Variants in SV2C observed in about 807,000 individuals in gnomAD.
SV2C encodes the protein solute carrier family 22 member B3.
SV2C carries 49 observed loss-of-function variants against 79.7 expected under a neutral mutation model. The observed-to-expected ratio is 0.61, with a 90% CI of 0.49 to 0.78. The LOEUF is 0.78. Among genes scored for constraint, SV2C ranks in the 30% least tolerant of loss-of-function variants. SV2C has a pLI of 0.00. For missense variants in SV2C, 833 were observed against 912.9 expected, an observed-to-expected ratio of 0.91 and a Z score of 1.13; for synonymous variants, 334 against 333.2, an observed-to-expected ratio of 1.00 and a Z score of -0.03.
intron 1 of SV2C, among the ~76,000 whole-genome samples, chr5:76,130,962 A>G (rs899927470): frequency 2.6e-5 from 4 of 152,226 alleles, no homozygotes; most frequent in African/African-American, 4.8e-5. Flanking sequence ...CAAACAAGCC[A>G]TATGTTCTAA....
chr5:76,229,068 C>T (rs1031878560), intron 4 of SV2C, among the ~76,000 whole-genome samples: 1 of 152,210 alleles, frequency 6.6e-6, no homozygotes, highest in African/African-American at 2.4e-5. Flanking sequence ...GCCCACAAAA[C>T]GTGTCCTCCA....
At chr5:76,007,590 C>T in the SV2C span, among the ~76,000 whole-genome samples, 3 of 152,036 alleles carry the variant, frequency 2.0e-5, no homozygotes, top group South Asian at 2.1e-4. Flanking sequence ...TACAGTACTT[C>T]GTCAGGGTAA....
At chr5:76,048,985 AAGAAAG>A in the SV2C span, among the ~76,000 whole-genome samples, 1 of 91,262 alleles carries the variant, frequency 1.1e-5, no homozygotes, top group Non-Finnish European at 2.4e-5. Context: ...GAAAGAAAGA[AAGAAAG>A]AAAGAAAGAA....
At chr5:76,272,841 A>G (rs1014324243) in intron 4 of SV2C, among the ~76,000 whole-genome samples, 5 of 152,158 alleles carry the variant, frequency 3.3e-5, no homozygotes, top group African/African-American at 1.2e-4. Flanking sequence ...TGTTCATAAA[A>G]TCAGCATAAT....
chr5:75,935,439 C>T, the SV2C span, among the ~76,000 whole-genome samples: 148 of 152,138 alleles, frequency 9.7e-4, no homozygotes, highest in African/African-American at 3.4e-3. Context: ...AGGAGTCTAC[C>T]TTCCAGAAAT....
intron 4 of SV2C, among the ~76,000 whole-genome samples, chr5:76,236,563 A>AGC (rs138348963): frequency 6.6e-6 from 1 of 151,598 alleles, no homozygotes; most frequent in African/African-American, 2.4e-5. Context: ...CCCTGTATCA[A>AGC]AAAAATAAAA....
chr5:76,237,271 TG>T lies in SV2C; in HGVS notation c.913+27385del, dbSNP rs527968391. ...TATGATTACTTTCTCATACAACTTT[TG>T]TCTTTCCTGGAGTTAACAATTATAT... is the stretch of plus-strand genomic sequence containing the variant. On this transcript the variant is annotated intron_variant, in intron 4 of 12. Coordinates refer to ENST00000502798, the MANE Select transcript of SV2C (RefSeq NM_014979.4). Among the ~76,000 whole-genome samples, 332 of 152,344 alleles carry T rather than the reference TG, an allele frequency of 2.2e-3. 1 individual carries two copies. The highest frequency in any genetic ancestry group is 7.6e-3 in the African/African-American group (315 of 41,584).
rs2112187300 is a variant in SV2C, at chr5:76,132,013, T to C, written c.263T>C (p.Ile88Thr). Residue 88 changes from isoleucine to threonine, a missense_variant, in exon 2 of 13, where the codon ATC becomes ACC. Physicochemically the swap from Ile to Thr is moderately conservative, Grantham distance 89. Coordinates refer to ENST00000502798, the MANE Select transcript of SV2C (RefSeq NM_014979.4). ...ATEGHDEDDEIYEGEYQGIPS... is the reference protein window; with the variant it reads ...ATEGHDEDDETYEGEYQGIPS... ...GAGGGGCATGATGAAGATGATGAGA[T>C]CTATGAGGGGGAGTATCAGGGCATC... is the stretch of plus-strand genomic sequence containing the variant. 1 of 1,613,076 alleles carries C rather than the reference T, an allele frequency of 6.2e-7. No homozygotes were observed.
the SV2C span, among the ~76,000 whole-genome samples, chr5:75,882,825 C>G: frequency 6.6e-6 from 1 of 151,126 alleles, no homozygotes; most frequent in African/African-American, 2.4e-5. Flanking sequence ...GCAACAAAAG[C>G]CAAAATTGAC....
Position 76,194,909 on chromosome 5 carries a change from T to C in SV2C, c.581-10T>C. 1.2e-6 allele frequency: 2 copies of C among 1,611,854 alleles called. No homozygotes were observed. The highest frequency in any genetic ancestry group is 2.7e-5 in the African/African-American group (2 of 74,850). On this transcript the variant is annotated splice_polypyrimidine_tract_variant and intron_variant, in intron 2 of 12. Transcript: ENST00000502798. ...CTCTGATGTGTTTCTTTGTTTTCTG[T>C]GTGTTGCAGGCAGCATAGTGTACCT...
chr5:75,979,842 C>T, the SV2C span, among the ~76,000 whole-genome samples: 1 of 151,936 alleles, frequency 6.6e-6, no homozygotes, highest in South Asian at 2.1e-4. Flanking sequence ...GCAGATAAAT[C>T]CCAAAGCTAG....
At chr5:76,313,608 G>A (rs1172527691) in intron 12 of SV2C, among the ~76,000 whole-genome samples, 2 of 152,270 alleles carry the variant, frequency 1.3e-5, no homozygotes, top group South Asian at 2.1e-4. Flanking sequence ...TTGCATGAAA[G>A]GGCCATGTGC....
rs562727732 is a variant in SV2C, at chr5:76,350,858, A to T, written c.2001-2272A>T. Among the ~76,000 whole-genome samples the T allele has an allele frequency of 3.3e-5, 5 of 152,252 alleles. No homozygotes were observed. In the East Asian group the frequency reaches 9.7e-4, roughly 29 times the overall value. ...GTGAAACCCTGTCTCTACTAAAAATACAAAAATGAGCCAGGTGTGGTGGCA... is the reference window on the plus strand; with the variant it reads ...GTGAAACCCTGTCTCTACTAAAAATTCAAAAATGAGCCAGGTGTGGTGGCA... On this transcript the variant is annotated intron_variant, in intron 12 of 12. Transcript: ENST00000322285.
At chr5:76,153,924 C>A (rs1742642052) in intron 2 of SV2C, among the ~76,000 whole-genome samples, 1 of 152,182 alleles carries the variant, frequency 6.6e-6, no homozygotes, top group Non-Finnish European at 1.5e-5. Flanking sequence ...ATACTGTGAT[C>A]ATCACTTTTC....
the SV2C span, among the ~76,000 whole-genome samples, chr5:76,059,609 T>C: frequency 6.6e-6 from 1 of 152,098 alleles, no homozygotes; most frequent in Non-Finnish European, 1.5e-5. Context: ...TCTCTTACTA[T>C]TTCCACCACA....
At chr5:75,962,972 C>G in the SV2C span, among the ~76,000 whole-genome samples, 1 of 152,074 alleles carries the variant, frequency 6.6e-6, no homozygotes, top group African/African-American at 2.4e-5. Context: ...AAGTTAATAT[C>G]ATCACCTGCT....
At position 76,131,869 on chromosome 5, in the gene SV2C, A is replaced by C. The variant is rs766866638; in HGVS notation, c.119A>C (p.Glu40Ala). The C allele has an allele frequency of 1.2e-6, 2 of 1,614,018 alleles. No homozygotes were observed. The highest frequency in any genetic ancestry group is 2.2e-5 in the South Asian group (2 of 91,080). ...CAAGCTGTGGACCGAGCCCAGGATG[A>C]ATACACCCAGAGGTCCTACAGTCGG... Reference protein sequence around the residue: ...VNQAVDRAQDEYTQRSYSRFQ... With the variant: ...VNQAVDRAQDAYTQRSYSRFQ... The change falls in exon 2 of 13, where the codon GAA (glutamate) becomes GCA (alanine). Residue 40 changes from glutamate (E) to alanine (A), a missense_variant. Glu to Ala is a moderately radical substitution (Grantham distance 107). Coordinates refer to ENST00000502798, the MANE Select transcript of SV2C (RefSeq NM_014979.4).
At chr5:75,905,674 C>A in the SV2C span, among the ~76,000 whole-genome samples, 1 of 152,018 alleles carries the variant, frequency 6.6e-6, no homozygotes, top group East Asian at 1.9e-4. Flanking sequence ...TTCTCTAGCT[C>A]ACTCTATGGA....
chr5:76,188,427 G>A (rs1411143749), intron 2 of SV2C, among the ~76,000 whole-genome samples: 5 of 152,130 alleles, frequency 3.3e-5, no homozygotes, highest in Non-Finnish European at 4.4e-5. Flanking sequence ...AGTAACTCTA[G>A]GTCACACAGC....
Sources: allele counts gnomAD v4.1 joint callset (sites outside exome capture counted in the v4.1 genomes callset), GRCh38; gene constraint gnomAD v4.1.1; transcripts MANE v1.5; gene names NCBI Gene and HGNC (gene_info 2026-07-23, HGNC 2026-07-21).